GFRA1: variants seen among roughly 807,000 people sequenced by gnomAD.
The protein encoded by GFRA1 is GDNF family receptor alpha 1, also known as GDNF family receptor alpha-1.
A neutral mutation model predicts 51.6 loss-of-function variants in GFRA1; 16 were observed. That is an observed-to-expected ratio of 0.31 (90% CI 0.21 to 0.47). The LOEUF is 0.47. Among genes scored for constraint, GFRA1 ranks in the 20% least tolerant of loss-of-function variants. The pLI, the probability that GFRA1 is intolerant of heterozygous loss-of-function variation, is 1.00. For synonymous variants in GFRA1, 270 were observed against 241.3 expected, an observed-to-expected ratio of 1.12 and a Z score of -1.10; for missense variants, 530 against 594.3, an observed-to-expected ratio of 0.89 and a Z score of 1.13.
chr10:116,136,481 C>T (rs1055377916), intron 5 of GFRA1, among the ~76,000 whole-genome samples: 6 of 152,156 alleles, frequency 3.9e-5, no homozygotes, highest in African/African-American at 1.4e-4. Context: ...ATCCAAAACC[C>T]CCCTCTTCCC....
At chr10:116,241,551 C>T (rs1393897151) in intron 4 of GFRA1, among the ~76,000 whole-genome samples, 1 of 152,170 alleles carries the variant, frequency 6.6e-6, no homozygotes, top group Non-Finnish European at 1.5e-5. Context: ...CCACATGATG[C>T]AGATGAGTTT....
intron 5 of GFRA1, among the ~76,000 whole-genome samples, chr10:116,164,501 G>A (rs943337448): frequency 9.2e-5 from 14 of 152,098 alleles, no homozygotes; most frequent in African/African-American, 3.4e-4. Context: ...ATAAGCTCCG[G>A]GCAGCTGCCC....
intron 4 of GFRA1, among the ~76,000 whole-genome samples, chr10:116,257,071 T>C (rs1280069737): frequency 6.6e-6 from 1 of 151,142 alleles, no homozygotes; most frequent in Non-Finnish European, 1.5e-5. Context: ...GGACCCATGC[T>C]GTGCACATCC....
intron 5 of GFRA1, among the ~76,000 whole-genome samples, chr10:116,137,131 T>C (rs1301520029): frequency 6.6e-6 from 1 of 152,174 alleles, no homozygotes; most frequent in East Asian, 1.9e-4. Context: ...AGCAAAAAGA[T>C]GCCACCAGAA....
At chr10:116,228,042 AGTT>A (rs2134542992) in intron 4 of GFRA1, among the ~76,000 whole-genome samples, 1 of 152,348 alleles carries the variant, frequency 6.6e-6, no homozygotes, top group African/African-American at 2.4e-5. Context: ...AACTTATAGC[AGTT>A]GTTACAAAAT....
At chr10:116,260,659 G>A (rs1969232011) in intron 4 of GFRA1, among the ~76,000 whole-genome samples, 1 of 151,310 alleles carries the variant, frequency 6.6e-6, no homozygotes, top group Non-Finnish European at 1.5e-5. Context: ...GATTACAGAA[G>A]ATAAAAAATC....
chr10:116,203,709 G>T (rs1345134147), intron 5 of GFRA1, among the ~76,000 whole-genome samples: 1 of 152,182 alleles, frequency 6.6e-6, no homozygotes, highest in Non-Finnish European at 1.5e-5. Flanking sequence ...CTTAAAAGAT[G>T]GCTCTATCCT....
At chr10:116,229,677 A>G (rs906040366) in intron 4 of GFRA1, among the ~76,000 whole-genome samples, 2 of 152,072 alleles carry the variant, frequency 1.3e-5, no homozygotes, top group South Asian at 4.2e-4. Flanking sequence ...GTTAAAACAG[A>G]CCTATGATGC....
intron 9 of GFRA1, among the ~76,000 whole-genome samples, chr10:116,074,906 T>C (rs1301766597): frequency 6.6e-6 from 1 of 152,140 alleles, no homozygotes; most frequent in East Asian, 1.9e-4. Context: ...TATAAGAAAT[T>C]GGATTTATTT....
Position 116,093,836 on chromosome 10 carries a change from C to T in GFRA1, c.881G>A (p.Gly294Asp), listed in dbSNP as rs1956461233. ...TATGTAGTTGGGGGTCATGACTGTG[C>T]CTAAAAGAATAAAAACAAGGCATTT... ...DCLLAYSGLI[G>D]TVMTPNYIDS... Residue 294 changes from glycine to aspartate, a missense_variant and splice_region_variant, in exon 8 of 11, where the codon GGC (glycine) becomes GAC (aspartate). Transcript: ENST00000355422. The T allele has an allele frequency of 6.2e-7, 1 of 1,613,876 alleles. No homozygotes were observed. Among genetic ancestry groups the T allele is most frequent in the Non-Finnish European group, 8.5e-7 (1 of 1,179,862 alleles).
At chr10:116,210,376 A>G (rs992615971) in intron 5 of GFRA1, among the ~76,000 whole-genome samples, 23 of 152,254 alleles carry the variant, frequency 1.5e-4, no homozygotes, top group Non-Finnish European at 3.1e-4. Context: ...CAGAAAAAAA[A>G]ATGATCTGCC....
intron 5 of GFRA1, among the ~76,000 whole-genome samples, chr10:116,161,103 G>A (rs541179189): frequency 2.6e-5 from 4 of 152,176 alleles, no homozygotes; most frequent in Non-Finnish European, 5.9e-5. Context: ...GATGCCAACC[G>A]GGAGGTGAGA....
At chr10:116,236,772 C>T (rs1966897916) in intron 4 of GFRA1, among the ~76,000 whole-genome samples, 1 of 152,170 alleles carries the variant, frequency 6.6e-6, no homozygotes, top group African/African-American at 2.4e-5. Context: ...CATCTGGGCT[C>T]CCCCAGCATT....
At chr10:116,172,068 C>A (rs894946462) in intron 5 of GFRA1, among the ~76,000 whole-genome samples, 1 of 152,186 alleles carries the variant, frequency 6.6e-6, no homozygotes, top group Non-Finnish European at 1.5e-5. Context: ...ACGGTGTTTA[C>A]CCTCAGCCCT....
chr10:116,269,094 T>C (rs910424802), intron 4 of GFRA1, among the ~76,000 whole-genome samples: 4 of 152,214 alleles, frequency 2.6e-5, no homozygotes, highest in Admixed American at 6.5e-5. Context: ...TTTGGGCGTC[T>C]TGTAAAGTAA....
At chr10:116,079,380 G>T (rs1955753030) in intron 9 of GFRA1, among the ~76,000 whole-genome samples, 1 of 152,132 alleles carries the variant, frequency 6.6e-6, no homozygotes, top group Non-Finnish European at 1.5e-5. Flanking sequence ...ACCTAGGAAA[G>T]ATTTGGTCCA....
chr10:116,141,958 T>A (rs1958589425), intron 5 of GFRA1, among the ~76,000 whole-genome samples: 1 of 152,196 alleles, frequency 6.6e-6, no homozygotes, highest in Non-Finnish European at 1.5e-5. Context: ...TAGGCAGATC[T>A]TCTTAGACAA....
chr10:116,213,637 C>T (rs932291670), intron 4 of GFRA1, among the ~76,000 whole-genome samples: 1 of 152,204 alleles, frequency 6.6e-6, no homozygotes, highest in Non-Finnish European at 1.5e-5. Context: ...TGTTCTCTGT[C>T]ATCACCAGAA....
intron 5 of GFRA1, among the ~76,000 whole-genome samples, chr10:116,206,866 T>C (rs1964816751): frequency 6.6e-6 from 1 of 151,792 alleles, no homozygotes; most frequent in African/African-American, 2.4e-5. Context: ...TCTCCTGACC[T>C]CGTGATCCAC....
Sources: gnomAD v4.1 joint callset for allele counts (sites outside exome capture counted in the v4.1 genomes callset) on GRCh38, gnomAD v4.1.1 for gene constraint, MANE v1.5 for transcripts, NCBI Gene and HGNC (gene_info 2026-07-23, HGNC 2026-07-21) for gene names.